Variants in PCDHGA6 observed in about 807,000 individuals in gnomAD.
PCDHGA6 encodes the protein protocadherin gamma-A6.
PCDHGA6 carries 41 observed loss-of-function variants against 60.6 expected under a neutral mutation model. That is an observed-to-expected ratio of 0.68 (90% CI 0.53 to 0.88). The LOEUF is 0.88. Ranked by LOEUF, PCDHGA6 falls within the 40% of genes least tolerant of loss-of-function variation. The pLI, the probability that PCDHGA6 is intolerant of heterozygous loss-of-function variation, is 0.00. For synonymous variants in PCDHGA6, 594 were observed against 524.4 expected (o/e 1.13, Z -1.81); for missense variants, 1,312 against 1,203.0 (o/e 1.09, Z -1.34).
Position 141,490,972 on chromosome 5 carries a change from C to G in PCDHGA6, c.2425-3835C>G. 6.2e-7 allele frequency: 1 copy of G among 1,613,912 alleles called. No homozygotes were observed. Among genetic ancestry groups the G allele is most frequent in the Non-Finnish European group, 8.5e-7 (1 of 1,179,922 alleles). Reference sequence around the variant, plus strand: ...AGACTGGGAACACTCAGCCCCCCAGCGTCTCCCTCGCTCTGCTCCTCCTGG... The same window carrying G: ...AGACTGGGAACACTCAGCCCCCCAGGGTCTCCCTCGCTCTGCTCCTCCTGG... On this transcript the variant is annotated intron_variant, in intron 1 of 3. Coordinates refer to ENST00000517434, the MANE Select transcript of PCDHGA6 (RefSeq NM_018919.3). The surrounding 1 kb of genome is among the most constrained non-coding windows in gnomAD (Gnocchi z 5.4).
intron 1 of PCDHGA6, among the ~76,000 whole-genome samples, chr5:141,458,247 C>T (rs758242859): frequency 4.6e-5 from 7 of 152,100 alleles, no homozygotes; most frequent in South Asian, 2.1e-4. Flanking sequence ...CAAAATGATA[C>T]GGCTCTGATG....
rs2090285300 is a variant in PCDHGA6 at position 141,385,561 on chromosome 5, TC to T, written c.2424+9056del. On this transcript the variant is annotated intron_variant, in intron 1 of 3. Coordinates refer to ENST00000517434, the MANE Select transcript of PCDHGA6 (RefSeq NM_018919.3). ...ATGTGGACTATCACATTTTATAATT[TC>T]CACCTACTTTCCAATCTATGTTCCA... The T allele has an allele frequency of 1.2e-5, 16 of 1,309,040 alleles. No homozygotes were observed. In the South Asian group the frequency reaches 3.4e-4, roughly 28 times the overall value. 81.1% of individuals were successfully genotyped at this position (1,309,040 alleles called of 1,614,324 possible).
rs772884830 is a variant in PCDHGA6 at position 141,491,791 on chromosome 5, C to T, written c.2425-3016C>T. ...TAAGGGATTGAACTTGCATCCACTCCTCTCCGGCCGGCTTGGTCGCTGGCT... is the reference window on the plus strand; with the variant it reads ...TAAGGGATTGAACTTGCATCCACTCTTCTCCGGCCGGCTTGGTCGCTGGCT... On this transcript the variant is annotated intron_variant, in intron 1 of 3. Coordinates refer to ENST00000517434, the MANE Select transcript of PCDHGA6 (RefSeq NM_018919.3). This position sits in a 1 kb window ranked among gnomAD's most constrained non-coding sequence, Gnocchi z 6.9. The T allele has an allele frequency of 3.3e-6, 5 of 1,518,376 alleles. No homozygotes were observed. In the African/African-American group the frequency reaches 4.2e-5, roughly 13 times the overall value. The allele number at this position is 1,518,376 out of a possible 1,614,324, so 94.1% of individuals were successfully genotyped here.
chr5:141,443,385 T>G (rs2098386152), intron 1 of PCDHGA6, among the ~76,000 whole-genome samples: 2 of 151,940 alleles, frequency 1.3e-5, no homozygotes, highest in African/African-American at 4.8e-5. Flanking sequence ...CTTGGGAGGC[T>G]GAGGTGTGAG....
At chr5:141,393,404 G>A (rs1159260916) in intron 1 of PCDHGA6, 1 of 1,614,024 alleles carries the variant, frequency 6.2e-7, no homozygotes, top group Non-Finnish European at 8.5e-7. Context: ...TGGTGCTGGA[G>A]CGCGCCCTGG....
chr5:141,398,752 C>G lies in PCDHGA6; in HGVS notation c.2424+22245C>G, dbSNP rs1196162576. On this transcript the variant is annotated intron_variant, in intron 1 of 3. Coordinates refer to ENST00000517434, the MANE Select transcript of PCDHGA6 (RefSeq NM_018919.3). ...AGACCGGGAACAACAGAGTTACCAT[C>G]GTTTAGTCCTGACTGCCTTGGACGG... is the stretch of plus-strand genomic sequence containing the variant. The G allele has an allele frequency of 7.4e-6, 12 of 1,613,482 alleles. No homozygotes were observed. In the South Asian group the frequency reaches 1.2e-4, roughly 16 times the overall value.
intron 2 of PCDHGA6, 36 bp from the exon 3 acceptor site, chr5:141,505,357 T>A (rs1026098450): frequency 6.2e-7 from 1 of 1,613,762 alleles, no homozygotes; most frequent in African/African-American, 1.3e-5. Context: ...TGTGCCGGCC[T>A]GGGAGTCTGT....
intron 1 of PCDHGA6, chr5:141,390,022 T>A (rs1206102918): frequency 2.5e-6 from 4 of 1,613,928 alleles, no homozygotes; most frequent in Non-Finnish European, 3.4e-6. Context: ...GCCTTGCGCC[T>A]GCGACGCTCC....
chr5:141,393,400 T>A (rs1427213486), intron 1 of PCDHGA6: 5 of 1,614,024 alleles, frequency 3.1e-6, no homozygotes, highest in Non-Finnish European at 4.2e-6. Context: ...GAGCTGGTGC[T>A]GGAGCGCGCC....
At chr5:141,483,917 T>A (rs565465724) in intron 1 of PCDHGA6, among the ~76,000 whole-genome samples, 2 of 151,262 alleles carry the variant, frequency 1.3e-5, no homozygotes, top group South Asian at 4.2e-4. Context: ...CCCACTCAGA[T>A]TGCAGGTCGT....
rs1435240793 is a variant in PCDHGA6 at position 141,402,906 on chromosome 5, CA to C, written c.2424+26400del. ...GGGTGGAAGAAAGAACCTGATGAAG[CA>C]GCGCGCACAGAGATCCTTTTGAGAA... On this transcript the variant is annotated intron_variant, in intron 1 of 3. Coordinates refer to ENST00000517434, the MANE Select transcript of PCDHGA6 (RefSeq NM_018919.3). The C allele has an allele frequency of 3.9e-6, 6 of 1,529,062 alleles. No homozygotes were observed. The African/African-American group carries it at 8.3e-5, about 21-fold the overall frequency. 94.7% of individuals were successfully genotyped at this position (1,529,062 alleles called of 1,614,324 possible). A position where few individuals can be genotyped will look rare whatever the true frequency, so the allele number is the denominator to read the frequency against.
At chr5:141,389,439 G>C (rs201120335) in intron 1 of PCDHGA6, 1 of 1,610,580 alleles carries the variant, frequency 6.2e-7, no homozygotes, top group Non-Finnish European at 8.5e-7. Flanking sequence ...GCGCGCCTTC[G>C]ACCACGAGCA....
chr5:141,472,316 C>T (rs1456055286), intron 1 of PCDHGA6, among the ~76,000 whole-genome samples: 6 of 151,940 alleles, frequency 3.9e-5, no homozygotes, highest in Non-Finnish European at 8.8e-5. Context: ...CCGAGGCAGG[C>T]AGATCACGAG....
At position 141,454,320 on chromosome 5, in the gene PCDHGA6, C is replaced by T. The variant is rs140074578; in HGVS notation, c.2425-40487C>T. ...CAGATATTTCAAAGCATTGAAACCTCCAAGAATAAATAAAATGTTGGAAGT... is the reference window on the plus strand; with the variant it reads ...CAGATATTTCAAAGCATTGAAACCTTCAAGAATAAATAAAATGTTGGAAGT... On this transcript the variant is annotated intron_variant, in intron 1 of 3. Coordinates refer to ENST00000517434, the MANE Select transcript of PCDHGA6 (RefSeq NM_018919.3). Among the ~76,000 whole-genome samples, 592 of 152,266 alleles carry T rather than the reference C, an allele frequency of 3.9e-3. 6 individuals are homozygous for T. Among genetic ancestry groups the T allele is most frequent in the Admixed American group, 0.011 (171 of 15,288 alleles).
chr5:141,445,890 T>C (rs1435563284), intron 1 of PCDHGA6, among the ~76,000 whole-genome samples: 1 of 152,210 alleles, frequency 6.6e-6, no homozygotes, highest in Non-Finnish European at 1.5e-5. Context: ...ACTTAGGAGC[T>C]ATTAAAATAT....
At chr5:141,474,847 GC>G (rs1357496937) in intron 1 of PCDHGA6, among the ~76,000 whole-genome samples, 1 of 152,198 alleles carries the variant, frequency 6.6e-6, no homozygotes, top group East Asian at 1.9e-4. Context: ...CACTTTACCT[GC>G]CTTCTTCATT....
At chr5:141,402,870 C>G in intron 1 of PCDHGA6, 1 of 1,449,300 alleles carries the variant, frequency 6.9e-7, no homozygotes, top group Non-Finnish European at 9.1e-7. Flanking sequence ...AAAAGATCAC[C>G]ATACTTTGCA....
chr5:141,489,467 C>G lies in PCDHGA6; in HGVS notation c.2425-5340C>G. 1 of 1,614,076 alleles carries G rather than the reference C, an allele frequency of 6.2e-7. No individual in the cohort carries two copies. The highest frequency in any genetic ancestry group is 8.5e-7 in the Non-Finnish European group (1 of 1,180,026). Reference sequence around the variant, plus strand: ...TCTGAGGAGAATGGGCGCTATTTTTCCCTGAGCTTGATGAGTGGTGCCCTG... The same window carrying G: ...TCTGAGGAGAATGGGCGCTATTTTTGCCTGAGCTTGATGAGTGGTGCCCTG... On this transcript the variant is annotated intron_variant, in intron 1 of 3. Transcript: ENST00000517434. The surrounding 1 kb of genome is among the most constrained non-coding windows in gnomAD (Gnocchi z 4.5).
intron 1 of PCDHGA6, chr5:141,389,406 G>A (rs1235613335): frequency 1.9e-6 from 3 of 1,613,632 alleles, no homozygotes; most frequent in South Asian, 2.2e-5. Flanking sequence ...CATAAGCGCG[G>A]AGAGCGGGGT....
Sources: gnomAD v4.1 joint callset for allele counts (sites outside exome capture counted in the v4.1 genomes callset) on GRCh38, gnomAD v4.1.1 for gene constraint, Gnocchi (gnomAD v3.1) non-coding constraint, MANE v1.5 for transcripts, NCBI Gene and HGNC (gene_info 2026-07-23, HGNC 2026-07-21) for gene names.